The following LMO7 variants were observed in gnomAD, a reference collection of about 807,000 sequenced individuals.
LMO7 encodes the protein LIM domain only protein 7.
A neutral mutation model predicts 206.5 loss-of-function variants in LMO7; 120 were observed. The observed-to-expected ratio is 0.58, with a 90% CI of 0.50 to 0.68. The LOEUF is 0.68. LMO7 is among the 30% of genes least tolerant of loss of function. The pLI, the probability that LMO7 is intolerant of heterozygous loss-of-function variation, is 0.00. For missense variants in LMO7, 1,959 were observed against 1,957.9 expected, an observed-to-expected ratio of 1.00 and a Z score of -0.01; for synonymous variants, 706 against 681.5, an observed-to-expected ratio of 1.04 and a Z score of -0.56.
intron 1 of LMO7, among the ~76,000 whole-genome samples, chr13:75,694,947 A>G (rs2041792314): frequency 6.6e-6 from 1 of 152,086 alleles, no homozygotes; most frequent in Non-Finnish European, 1.5e-5. Flanking sequence ...CAACCTTCAC[A>G]GTTTCGAGGG....
At chr13:75,806,269 T>C (rs1007007873) in intron 9 of LMO7, 5 of 988,994 alleles carry the variant, frequency 5.1e-6, no homozygotes, top group African/African-American at 1.7e-5. Context: ...CAGGTGCCCC[T>C]GTCTGCATGA....
At chr13:75,769,796 C>T (rs977435092) in intron 4 of LMO7, among the ~76,000 whole-genome samples, 5 of 152,066 alleles carry the variant, frequency 3.3e-5, no homozygotes, top group Non-Finnish European at 7.4e-5. Flanking sequence ...GTATTACTGT[C>T]ATTACTATAG....
At chr13:75,656,459 T>A (rs989405445) in intron 1 of LMO7, among the ~76,000 whole-genome samples, 1 of 152,262 alleles carries the variant, frequency 6.6e-6, no homozygotes, top group Non-Finnish European at 1.5e-5. Flanking sequence ...ATATGTTTTT[T>A]AAAATTTGAA....
chr13:75,647,653 T>C (rs1359858957), intron 1 of LMO7, among the ~76,000 whole-genome samples: 2 of 152,108 alleles, frequency 1.3e-5, no homozygotes, highest in African/African-American at 2.4e-5. Flanking sequence ...GTATTCATAA[T>C]TGGAGACAGA....
intron 4 of LMO7, among the ~76,000 whole-genome samples, chr13:75,776,093 GGA>G (rs1491274324): frequency 6.8e-5 from 4 of 59,120 alleles, no homozygotes; most frequent in Admixed American, 2.2e-4. Context: ...GAAATGTTGT[GGA>G]TATATATATA....
chr13:75,755,306 C>T (rs1594754482), intron 3 of LMO7, among the ~76,000 whole-genome samples: 1 of 152,082 alleles, frequency 6.6e-6, no homozygotes, highest in Admixed American at 6.6e-5. Context: ...TTTCTTATGG[C>T]GTCATCTGCC....
chr13:75,694,283 A>C (rs1184903705), intron 1 of LMO7, among the ~76,000 whole-genome samples: 4 of 152,142 alleles, frequency 2.6e-5, no homozygotes, highest in Non-Finnish European at 4.4e-5. Flanking sequence ...GAAAGACGTA[A>C]TTGGAATTGT....
intron 15 of LMO7, among the ~76,000 whole-genome samples, chr13:75,830,451 A>G (rs73227992): frequency 0.011 from 1,688 of 152,302 alleles, 19 homozygotes; most frequent in Non-Finnish European, 0.016. Context: ...TTTATGAAAG[A>G]GAAGGCTTTA....
intron 11 of LMO7, among the ~76,000 whole-genome samples, chr13:75,810,788 T>C (rs2141144458): frequency 6.6e-6 from 1 of 152,308 alleles, no homozygotes; most frequent in Non-Finnish European, 1.5e-5. Context: ...ACCATTTCAG[T>C]GGCTGGATGT....
chr13:75,804,245 G>T, intron 7 of LMO7, 44 bp from the exon 8 acceptor site: 10 of 1,583,988 alleles, frequency 6.3e-6, no homozygotes, highest in Non-Finnish European at 8.6e-6. Context: ...TCAGTTAGGC[G>T]AATAATCTGG....
intron 5 of LMO7, 107 bp downstream of exon 5, chr13:75,795,538 T>G: frequency 1.3e-6 from 1 of 771,962 alleles, no homozygotes; most frequent in Non-Finnish European, 2.1e-6. Flanking sequence ...TTCTAATTAA[T>G]TTTTTGCTAC....
intron 27 of LMO7, among the ~76,000 whole-genome samples, chr13:75,851,885 T>C (rs2139629363): frequency 6.6e-6 from 1 of 152,282 alleles, no homozygotes; most frequent in East Asian, 1.9e-4. Context: ...GTCTGGGTTG[T>C]TTTAGAGGAC....
At chr13:75,844,584 A>G (rs9573669) in intron 25 of LMO7, among the ~76,000 whole-genome samples, 8,425 of 151,586 alleles carry the variant, frequency 0.056, 351 homozygotes, top group African/African-American at 0.12. Flanking sequence ...TTGTTTTTGT[A>G]TTTTTGTAGA....
At chr13:75,802,321 A>C (rs1252933559) in intron 7 of LMO7, among the ~76,000 whole-genome samples, 1 of 152,232 alleles carries the variant, frequency 6.6e-6, no homozygotes, top group East Asian at 1.9e-4. Flanking sequence ...TGACATTTTC[A>C]TAGCCCAGAT....
intron 11 of LMO7, among the ~76,000 whole-genome samples, chr13:75,812,275 C>T (rs997629497): frequency 2.0e-5 from 3 of 152,220 alleles, no homozygotes; most frequent in African/African-American, 7.2e-5. Flanking sequence ...AATGAAAAAT[C>T]TACATCACAT....
At chr13:75,691,285 G>A (rs2041454274) in intron 1 of LMO7, among the ~76,000 whole-genome samples, 1 of 152,188 alleles carries the variant, frequency 6.6e-6, no homozygotes. Context: ...TATTATTCAT[G>A]CCATCAATCT....
At chr13:75,711,285 C>G (rs1306655375) in intron 1 of LMO7, among the ~76,000 whole-genome samples, 1 of 152,126 alleles carries the variant, frequency 6.6e-6, no homozygotes, top group Non-Finnish European at 1.5e-5. Flanking sequence ...CTCTGCCAGG[C>G]TTTGGTATCA....
intron 3 of LMO7, among the ~76,000 whole-genome samples, chr13:75,728,729 G>C (rs979742614): frequency 1.3e-4 from 17 of 132,936 alleles, no homozygotes; most frequent in Non-Finnish European, 2.5e-4. Context: ...GTAATGCCTA[G>C]GTTTTCTTCT....
intron 1 of LMO7, among the ~76,000 whole-genome samples, chr13:75,640,832 AC>A (rs1311016228): frequency 1.3e-5 from 2 of 152,064 alleles, no homozygotes; most frequent in Non-Finnish European, 2.9e-5. Flanking sequence ...TTTGGTTGGA[AC>A]CTGCTACAGG....
Sources: allele counts gnomAD v4.1 joint callset (sites outside exome capture counted in the v4.1 genomes callset), GRCh38; gene constraint gnomAD v4.1.1; transcripts MANE v1.5; gene names NCBI Gene and HGNC (gene_info 2026-07-23, HGNC 2026-07-21).